The following TUSC3 variants were observed in gnomAD, a reference collection of about 807,000 sequenced individuals.
The protein encoded by TUSC3 is dolichyl-diphosphooligosaccharide--protein glycosyltransferase subunit TUSC3.
TUSC3 carries 45 observed loss-of-function variants against 44.8 expected under a neutral mutation model. The ratio of observed to expected loss-of-function variants is 1.00; its 90% CI spans 0.79 to 1.29. The LOEUF is 1.29. Among genes scored for constraint, TUSC3 ranks in the 50% most tolerant of loss-of-function variants. TUSC3 has a pLI of 0.00. For missense variants in TUSC3, 519 were observed against 437.9 expected, an observed-to-expected ratio of 1.19 and a Z score of -1.65; for synonymous variants, 212 against 152.9, an observed-to-expected ratio of 1.39 and a Z score of -2.85.
intron 1 of TUSC3, among the ~76,000 whole-genome samples, chr8:15,427,079 GT>G (rs56268327): frequency 1.8e-4 from 26 of 143,252 alleles, no homozygotes; most frequent in African/African-American, 2.0e-4. Flanking sequence ...TTTGGTGTTT[GT>G]TTTTTTTTTG....
chr8:15,733,986 G>T (rs1055873789), intron 7 of TUSC3, among the ~76,000 whole-genome samples: 1 of 152,200 alleles, frequency 6.6e-6, no homozygotes, highest in Non-Finnish European at 1.5e-5. Context: ...CAAGGCTGCA[G>T]TGAGCTGTGC....
chr8:15,816,755 C>T, the TUSC3 span, among the ~76,000 whole-genome samples: 1 of 152,068 alleles, frequency 6.6e-6, no homozygotes, highest in Non-Finnish European at 1.5e-5. Flanking sequence ...CACAGAGAAA[C>T]GGCATGTTTT....
At chr8:15,646,418 G>C (rs1320927369) in intron 2 of TUSC3, among the ~76,000 whole-genome samples, 2 of 152,064 alleles carry the variant, frequency 1.3e-5, no homozygotes, top group African/African-American at 2.4e-5. Flanking sequence ...ATAGAGGCTA[G>C]AATCTACAAA....
At chr8:15,569,697 G>A (rs150565908) in intron 1 of TUSC3, among the ~76,000 whole-genome samples, 1 of 152,082 alleles carries the variant, frequency 6.6e-6, no homozygotes, top group African/African-American at 2.4e-5. Context: ...TAGAGGTAGG[G>A]TAGACGGTTT....
intron 2 of TUSC3, among the ~76,000 whole-genome samples, chr8:15,502,506 TTTGA>T (rs1800980885): frequency 6.6e-6 from 1 of 152,172 alleles, no homozygotes; most frequent in Admixed American, 6.5e-5. Flanking sequence ...TGTTTGTTTG[TTTGA>T]GACGGAGTCT....
At chr8:15,639,902 A>G (rs1806286718) in intron 2 of TUSC3, among the ~76,000 whole-genome samples, 2 of 151,740 alleles carry the variant, frequency 1.3e-5, no homozygotes, top group Non-Finnish European at 2.9e-5. Context: ...TAATACAGTG[A>G]ACAAAATAAT....
At chr8:15,627,650 C>T (rs971327675) in intron 2 of TUSC3, among the ~76,000 whole-genome samples, 1 of 152,224 alleles carries the variant, frequency 6.6e-6, no homozygotes, top group South Asian at 2.1e-4. Context: ...CTGGTGTCTC[C>T]AAGCTTCCGG....
chr8:15,596,737 A>G (rs1477556608), intron 1 of TUSC3, among the ~76,000 whole-genome samples: 4 of 152,048 alleles, frequency 2.6e-5, no homozygotes, highest in Non-Finnish European at 5.9e-5. Context: ...GTATTCAGAG[A>G]ATTTATGTTG....
the TUSC3 span, among the ~76,000 whole-genome samples, chr8:15,846,512 G>T: frequency 2.0e-5 from 3 of 152,090 alleles, no homozygotes; most frequent in Non-Finnish European, 4.4e-5. Flanking sequence ...ATACACCAAG[G>T]AATACTATGC....
intron 2 of TUSC3, among the ~76,000 whole-genome samples, chr8:15,486,252 A>G (rs757675611): frequency 6.6e-6 from 1 of 152,210 alleles, no homozygotes; most frequent in Non-Finnish European, 1.5e-5. Flanking sequence ...TCTGTACTTT[A>G]GGCAGTTATT....
chr8:15,706,418 T>C (rs1424854659), intron 6 of TUSC3, among the ~76,000 whole-genome samples: 2 of 152,018 alleles, frequency 1.3e-5, no homozygotes, highest in Non-Finnish European at 2.9e-5. Context: ...GAACATCCAA[T>C]TCCATGTTAA....
At chr8:15,543,356 A>T (rs1333334885) in intron 1 of TUSC3, among the ~76,000 whole-genome samples, 2 of 152,192 alleles carry the variant, frequency 1.3e-5, no homozygotes, top group African/African-American at 4.8e-5. Context: ...AGGAAAGGAC[A>T]TTAGTTGATT....
chr8:15,654,624 C>G (rs1196234232), intron 3 of TUSC3, among the ~76,000 whole-genome samples: 1 of 151,888 alleles, frequency 6.6e-6, no homozygotes, highest in Non-Finnish European at 1.5e-5. Flanking sequence ...GGTGAAACCC[C>G]CATCTCTACT....
At chr8:15,794,600 C>T in the TUSC3 span, among the ~76,000 whole-genome samples, 38 of 152,204 alleles carry the variant, frequency 2.5e-4, no homozygotes, top group South Asian at 6.6e-3. Flanking sequence ...AATAGCATAG[C>T]CAGAATAACA....
At chr8:15,812,762 C>T in the TUSC3 span, among the ~76,000 whole-genome samples, 2 of 151,882 alleles carry the variant, frequency 1.3e-5, no homozygotes, top group East Asian at 1.9e-4. Flanking sequence ...CAATAGCTCA[C>T]GGAATGTAAC....
At chr8:15,750,135 A>G (rs562419382) in intron 9 of TUSC3, among the ~76,000 whole-genome samples, 23 of 151,532 alleles carry the variant, frequency 1.5e-4, no homozygotes, top group South Asian at 2.1e-4. Context: ...GCCCGCCACC[A>G]TGCCTGGCTA....
chr8:15,614,950 A>C (rs1162263932), intron 1 of TUSC3, among the ~76,000 whole-genome samples: 1 of 151,114 alleles, frequency 6.6e-6, no homozygotes, highest in Non-Finnish European at 1.5e-5. Context: ...AAAAAAAAAA[A>C]AACCACCCCA....
At chr8:15,446,218 G>C (rs975409377) in intron 1 of TUSC3, among the ~76,000 whole-genome samples, 16 of 151,518 alleles carry the variant, frequency 1.1e-4, no homozygotes, top group Admixed American at 3.9e-4. Flanking sequence ...GGGTGGCCGG[G>C]CAGAGAGGCT....
chr8:15,557,704 T>G (rs541644190), intron 1 of TUSC3, among the ~76,000 whole-genome samples: 1 of 132,630 alleles, frequency 7.5e-6, no homozygotes. Flanking sequence ...TAGTTCTCCT[T>G]GAAGAGGTCC....
Sources: gnomAD v4.1 joint callset for allele counts (sites outside exome capture counted in the v4.1 genomes callset) on GRCh38, gnomAD v4.1.1 for gene constraint, MANE v1.5 for transcripts, NCBI Gene and HGNC (gene_info 2026-07-23, HGNC 2026-07-21) for gene names.